CDH23: variants seen among roughly 807,000 people sequenced by gnomAD.
CDH23 encodes the protein cadherin related 23.
In CDH23, 189 loss-of-function variants were observed where a neutral mutation model predicts 317.1. That is an observed-to-expected ratio of 0.60 (90% CI 0.53 to 0.67). CDH23 has a LOEUF of 0.67. Among genes scored for constraint, CDH23 ranks in the 30% least tolerant of loss-of-function variants. CDH23 has a pLI of 0.00. For synonymous variants in CDH23, 1,839 were observed against 1,876.8 expected, an observed-to-expected ratio of 0.98 and a Z score of 0.52; for missense variants, 4,401 against 4,592.4, an observed-to-expected ratio of 0.96 and a Z score of 1.20.
intron 11 of CDH23, among the ~76,000 whole-genome samples, chr10:71,631,920 A>G (rs1862030842): frequency 6.6e-6 from 1 of 152,234 alleles, no homozygotes; most frequent in Non-Finnish European, 1.5e-5. Context: ...TAATTCCATG[A>G]CATTCTCAAA....
At chr10:71,607,307 G>T (rs117211110) in intron 9 of CDH23, among the ~76,000 whole-genome samples, 1 of 152,346 alleles carries the variant, frequency 6.6e-6, no homozygotes, top group East Asian at 1.9e-4. Context: ...AATGGGACAT[G>T]AACTCTTTAG....
At chr10:71,691,069 G>A (rs1201793540) in intron 20 of CDH23, among the ~76,000 whole-genome samples, 4 of 152,240 alleles carry the variant, frequency 2.6e-5, no homozygotes, top group Admixed American at 6.5e-5. Context: ...CCTGGCACAC[G>A]AAAAGTGCTA....
intron 51 of CDH23, 61 bp downstream of exon 51, chr10:71,799,341 C>T: frequency 6.2e-7 from 1 of 1,609,956 alleles, no homozygotes; most frequent in Non-Finnish European, 8.5e-7. Flanking sequence ...GGTCTTTGGG[C>T]ATCTTCCTCT....
rs1464039435 is a variant in CDH23 at position 71,806,289 on chromosome 10, T to G, written c.8178+8T>G. The G allele has an allele frequency of 6.5e-7, 1 of 1,543,604 alleles. No homozygotes were observed. Among genetic ancestry groups the G allele is most frequent in the East Asian group, 2.4e-5 (1 of 41,080 alleles). On this transcript the variant is annotated splice_region_variant and intron_variant, in intron 57 of 69. Coordinates refer to ENST00000224721, the MANE Select transcript of CDH23 (RefSeq NM_022124.6). ...CTTTTCGTGAGGCCTCCAGTGAGCT[T>G]GCCCACCTCCTGCGCTGGTCACACC... is the stretch of plus-strand genomic sequence containing the variant.
chr10:71,666,175 A>G (rs1863883514), intron 14 of CDH23, among the ~76,000 whole-genome samples: 1 of 151,766 alleles, frequency 6.6e-6, no homozygotes, highest in South Asian at 2.1e-4. Context: ...CCACCCAACC[A>G]GTGCTTTGAG....
chr10:71,630,553 A>G (rs968906282), intron 11 of CDH23, among the ~76,000 whole-genome samples: 44 of 152,238 alleles, frequency 2.9e-4, no homozygotes, highest in African/African-American at 1.0e-3. Flanking sequence ...TGGCCTGAGC[A>G]GTTAGAAAAA....
At chr10:71,574,241 G>C (rs1472663695) in intron 8 of CDH23, among the ~76,000 whole-genome samples, 1 of 151,978 alleles carries the variant, frequency 6.6e-6, no homozygotes, top group Non-Finnish European at 1.5e-5. Context: ...TATCAGGTTA[G>C]CATGCCTCAT....
At chr10:71,686,091 C>T (rs554542051) in intron 18 of CDH23, among the ~76,000 whole-genome samples, 3 of 152,032 alleles carry the variant, frequency 2.0e-5, no homozygotes, top group Admixed American at 6.6e-5. Context: ...AAGTCAAACT[C>T]GGTTTGTAGA....
At chr10:71,605,744 A>G (rs1417904424) in intron 9 of CDH23, among the ~76,000 whole-genome samples, 1 of 152,166 alleles carries the variant, frequency 6.6e-6, no homozygotes, top group Non-Finnish European at 1.5e-5. Flanking sequence ...ATTTCATATC[A>G]TAACTTATTT....
At chr10:71,660,977 A>G (rs543346935) in intron 14 of CDH23, among the ~76,000 whole-genome samples, 1 of 152,194 alleles carries the variant, frequency 6.6e-6, no homozygotes, top group Non-Finnish European at 1.5e-5. Context: ...CCTCATGACA[A>G]CCTGGTGAGG....
At position 71,790,398 on chromosome 10, in the gene CDH23, A is replaced by G; in HGVS notation, c.6034A>G (p.Ile2012Val). ...GGGTGCCCAGAGTGGCCTCTTTGAC[A>G]TCAACAGCAGCACCGGTGAGGCCTC... ...LLGAQSGLFD[I>V]NSSTGVVTVR... The change falls in exon 46 of 70, where the codon ATC (isoleucine) becomes GTC (valine). Residue 2012 changes from isoleucine (I) to valine (V), a missense_variant. Physicochemically the swap from Ile to Val is conservative, Grantham distance 29 (BLOSUM62 3). Around this residue, in one of 3 missense-constraint regions of CDH23, gnomAD observed 3,068 missense variants for 3,203.3 expected, o/e 0.96. Coordinates refer to ENST00000224721, the MANE Select transcript of CDH23 (RefSeq NM_022124.6). 1 of 1,613,196 alleles carries G rather than the reference A, an allele frequency of 6.2e-7. No homozygotes were observed.
intron 3 of CDH23, among the ~76,000 whole-genome samples, chr10:71,477,023 C>T (rs1019616641): frequency 2.0e-5 from 3 of 152,192 alleles, no homozygotes; most frequent in African/African-American, 7.2e-5. Flanking sequence ...TGACCGACCC[C>T]TAACTCTTCT....
intron 17 of CDH23, among the ~76,000 whole-genome samples, chr10:71,679,778 TTC>T (rs1864536631): frequency 6.6e-6 from 1 of 152,124 alleles, no homozygotes; most frequent in South Asian, 2.1e-4. Flanking sequence ...ATCTCTGGGG[TTC>T]TCTGTTTCTT....
At chr10:71,812,342 C>A (rs749820377) in intron 66 of CDH23, 138 bp from the exon 67 acceptor site, 2 of 1,599,232 alleles carry the variant, frequency 1.3e-6, no homozygotes, top group Non-Finnish European at 1.7e-6. Context: ...GCACCACAGG[C>A]ACCAGGGCCT....
chr10:71,656,776 C>T (rs1157644495), intron 14 of CDH23, among the ~76,000 whole-genome samples: 1 of 152,106 alleles, frequency 6.6e-6, no homozygotes, highest in African/African-American at 2.4e-5. Flanking sequence ...TGAGCAACAG[C>T]CTGGCTGTGG....
chr10:71,427,195 G>GAGAAAGAAAGAAAGAAAGAA (rs373672706), intron 1 of CDH23, among the ~76,000 whole-genome samples: 9,730 of 98,704 alleles, frequency 0.099, 725 homozygotes, highest in East Asian at 0.12. Context: ...AGGAAGGAAA[G>GAGAAAGAAAGAAAGAAAGAA]AGAAAGAAAG....
At chr10:71,544,433 C>T (rs991662112) in intron 6 of CDH23, among the ~76,000 whole-genome samples, 4 of 152,124 alleles carry the variant, frequency 2.6e-5, no homozygotes, top group East Asian at 3.9e-4. Flanking sequence ...GCAGAGTGGA[C>T]GAAGCTGGCG....
chr10:71,794,448 A>G (rs898680341), intron 48 of CDH23: 3 of 152,374 alleles, frequency 2.0e-5, no homozygotes, highest in East Asian at 3.9e-4. Context: ...ACCATGGCTT[A>G]TCTTTCACAA....
intron 38 of CDH23, chr10:71,761,629 G>A (rs376085614): frequency 7.5e-6 from 12 of 1,607,836 alleles, no homozygotes; most frequent in Middle Eastern, 1.7e-4. Flanking sequence ...TGGCACCATG[G>A]ACCCTGTGCT....
Sources: gnomAD v4.1 joint callset for allele counts (sites outside exome capture counted in the v4.1 genomes callset) on GRCh38, gnomAD v4.1.1 for gene constraint, gnomAD v4.1.1 regional missense constraint, MANE v1.5 for transcripts, NCBI Gene and HGNC (gene_info 2026-07-23, HGNC 2026-07-21) for gene names.